The following MYO10 variants were observed in gnomAD, a reference collection of about 807,000 sequenced individuals.
MYO10 encodes unconventional myosin-X.
A neutral mutation model predicts 257.3 loss-of-function variants in MYO10; 133 were observed. That is an observed-to-expected ratio of 0.52 (90% CI 0.45 to 0.60). MYO10 has a LOEUF of 0.60. Among genes scored for constraint, MYO10 ranks in the 20% least tolerant of loss-of-function variants. The probability of loss-of-function intolerance (pLI) is 0.00; values close to 1 mark genes in which losing one functional copy is unlikely to be tolerated. For synonymous variants in MYO10, 1,104 were observed against 1,028.6 expected (o/e 1.07, Z -1.40); for missense variants, 2,399 against 2,635.7 (o/e 0.91, Z 1.97).
At chr5:16,753,153 T>C (rs1740428405) in intron 19 of MYO10, among the ~76,000 whole-genome samples, 2 of 152,110 alleles carry the variant, frequency 1.3e-5, no homozygotes, top group African/African-American at 2.4e-5. Flanking sequence ...GTGGTTCTGG[T>C]TTTTTGTTGT....
In MYO10 at chr5:16,818,117, C is replaced by G; in HGVS notation, c.171G>C (p.Met57Ile). The G allele has an allele frequency of 6.2e-7, 1 of 1,609,712 alleles. No individual in the cohort carries two copies. Among genetic ancestry groups the G allele is most frequent in the Non-Finnish European group, 8.5e-7 (1 of 1,176,870 alleles). The change falls in exon 3 of 41, where the codon ATG becomes ATC. Residue 57 changes from methionine (M) to isoleucine (I), a missense_variant. Coordinates refer to ENST00000513610, the MANE Select transcript of MYO10 (RefSeq NM_012334.3). The part of the protein sequence containing the change: ...STITHQKVTA[M>I]HPTNEEGVDD... Reference sequence around the variant, plus strand: ...CCACGCCCTCCTCGTTCGTGGGGTGCATAGCAGTCACCTTCTGGTGGGTAA... The same window carrying G: ...CCACGCCCTCCTCGTTCGTGGGGTGGATAGCAGTCACCTTCTGGTGGGTAA...
chr5:16,814,381 C>T (rs1454095076), intron 3 of MYO10: 2 of 152,074 alleles, frequency 1.3e-5, no homozygotes, highest in Non-Finnish European at 2.9e-5. Flanking sequence ...ATCTCCTGAC[C>T]TCGTGATCCG....
intron 2 of MYO10, among the ~76,000 whole-genome samples, chr5:16,869,191 A>ATTT (rs70943814): frequency 2.9e-4 from 34 of 115,848 alleles, no homozygotes; most frequent in African/African-American, 6.0e-4. Context: ...CACCCGGCTA[A>ATTT]TTTTTTTTTT....
chr5:16,741,292 TGACCA>T (rs1740009779), intron 19 of MYO10, among the ~76,000 whole-genome samples: 4 of 152,340 alleles, frequency 2.6e-5, no homozygotes, highest in Admixed American at 6.5e-5. Context: ...ATTCAACAGA[TGACCA>T]TTCAACTCCG....
At chr5:16,773,688 G>A (rs887120434) in intron 9 of MYO10, among the ~76,000 whole-genome samples, 16 of 144,362 alleles carry the variant, frequency 1.1e-4, no homozygotes, top group Non-Finnish European at 9.1e-5. Flanking sequence ...AGTGAAATAA[G>A]TAGTAGAAAA....
intron 1 of MYO10, among the ~76,000 whole-genome samples, chr5:16,878,101 A>G (rs1287689011): frequency 6.6e-6 from 1 of 152,210 alleles, no homozygotes; most frequent in Non-Finnish European, 1.5e-5. Flanking sequence ...GAGCGAGTGC[A>G]TGACAGGCAG....
intron 4 of MYO10, among the ~76,000 whole-genome samples, chr5:16,793,029 T>C (rs1340651673): frequency 6.6e-6 from 1 of 152,210 alleles, no homozygotes; most frequent in African/African-American, 2.4e-5. Flanking sequence ...CTGAAGCAGA[T>C]GTCGGAATCT....
intron 19 of MYO10, among the ~76,000 whole-genome samples, chr5:16,737,304 C>T (rs976696525): frequency 1.3e-5 from 2 of 152,194 alleles, no homozygotes; most frequent in Non-Finnish European, 2.9e-5. Flanking sequence ...ATCTGGCACA[C>T]TTTAATGAGC....
chr5:16,720,007 T>C (rs1199674707), intron 19 of MYO10, among the ~76,000 whole-genome samples: 1 of 149,994 alleles, frequency 6.7e-6, no homozygotes, highest in Admixed American at 6.6e-5. Context: ...TGTGTGTGTG[T>C]GTGTGTGTGT....
Position 16,735,653 on chromosome 5 carries a change from G to A in MYO10, c.1929+19175C>T, listed in dbSNP as rs570938219. 7.5e-4 allele frequency among the ~76,000 whole-genome samples: 107 copies of A among 143,010 alleles called. No individual in the cohort carries two copies. In the Middle Eastern group the frequency reaches 0.011, roughly 15 times the overall value. 93.8% of individuals were successfully genotyped at this position (143,010 alleles called of 152,430 possible). On this transcript the variant is annotated intron_variant, in intron 19 of 40. Transcript: ENST00000513610. ...GGCTGCAGTGAGCCGAGATCCCACCGCCACACTCTAGCCTAGGCGACAGAG... is the reference window on the plus strand; with the variant it reads ...GGCTGCAGTGAGCCGAGATCCCACCACCACACTCTAGCCTAGGCGACAGAG...
intron 4 of MYO10, among the ~76,000 whole-genome samples, chr5:16,793,560 T>C (rs1246989269): frequency 2.0e-5 from 3 of 152,142 alleles, no homozygotes; most frequent in African/African-American, 4.8e-5. Flanking sequence ...TGAACTCAAG[T>C]GAACCACCCT....
At chr5:16,885,265 T>C (rs1474823842) in intron 1 of MYO10, among the ~76,000 whole-genome samples, 1 of 151,942 alleles carries the variant, frequency 6.6e-6, no homozygotes, top group Non-Finnish European at 1.5e-5. Context: ...GCCTGTCCAC[T>C]GTGCTCTTTA....
chr5:16,789,841 C>A (rs1252175293), intron 4 of MYO10, among the ~76,000 whole-genome samples: 1 of 152,156 alleles, frequency 6.6e-6, no homozygotes, highest in East Asian at 1.9e-4. Context: ...AAGTTCAAAT[C>A]CTATGTTTGT....
chr5:16,843,630 CT>C (rs1428413386), intron 2 of MYO10, among the ~76,000 whole-genome samples: 1 of 152,162 alleles, frequency 6.6e-6, no homozygotes, highest in Non-Finnish European at 1.5e-5. Flanking sequence ...GTCTAACTTT[CT>C]ATCAGCAAGC....
At chr5:16,873,109 C>T (rs1561030512) in intron 2 of MYO10, among the ~76,000 whole-genome samples, 1 of 152,198 alleles carries the variant, frequency 6.6e-6, no homozygotes. Flanking sequence ...CAAGGCAAGT[C>T]CCTTCCACCT....
intron 1 of MYO10, among the ~76,000 whole-genome samples, chr5:16,913,380 A>G (rs544436780): frequency 6.6e-6 from 1 of 152,362 alleles, no homozygotes; most frequent in East Asian, 1.9e-4. Context: ...TATGAATTGC[A>G]TATGAACATT....
chr5:16,815,181 GT>G (rs1290961916), intron 3 of MYO10: 2 of 395,854 alleles, frequency 5.1e-6, no homozygotes, highest in Non-Finnish European at 9.0e-6. Flanking sequence ...ACAAACTTGT[GT>G]TTTTTCTCTA....
At chr5:16,724,611 A>G (rs1739281633) in intron 19 of MYO10, among the ~76,000 whole-genome samples, 1 of 151,962 alleles carries the variant, frequency 6.6e-6, no homozygotes, top group African/African-American at 2.4e-5. Flanking sequence ...ATGTGTTTCT[A>G]TGGGGGTTCC....
At chr5:16,785,656 G>T (rs966334953) in intron 4 of MYO10, among the ~76,000 whole-genome samples, 2 of 151,972 alleles carry the variant, frequency 1.3e-5, no homozygotes, top group Non-Finnish European at 2.9e-5. Flanking sequence ...GATTACTTGA[G>T]GTCAGAAGTT....
Sources: allele counts gnomAD v4.1 joint callset (sites outside exome capture counted in the v4.1 genomes callset), GRCh38; gene constraint gnomAD v4.1.1; transcripts MANE v1.5; gene names NCBI Gene and HGNC (gene_info 2026-07-23, HGNC 2026-07-21).